Variants in CAMK1D observed in about 807,000 individuals in gnomAD.
CAMK1D encodes calcium/calmodulin dependent protein kinase ID.
CAMK1D carries 9 observed loss-of-function variants against 47.7 expected under a neutral mutation model. The observed-to-expected ratio is 0.19, with a 90% CI of 0.11 to 0.33. The LOEUF (loss-of-function observed/expected upper bound fraction) is 0.33. Ranked by LOEUF, CAMK1D falls within the 10% of genes least tolerant of loss-of-function variation. The probability of loss-of-function intolerance (pLI) is 1.00; values close to 1 mark genes in which losing one functional copy is unlikely to be tolerated. For missense variants in CAMK1D, 291 were observed against 488.7 expected (o/e 0.60, Z 3.81); for synonymous variants, 184 against 184.9 (o/e 0.99, Z 0.04).
intron 1 of CAMK1D, among the ~76,000 whole-genome samples, chr10:12,376,193 A>G (rs1838176537): frequency 6.6e-6 from 1 of 150,940 alleles, no homozygotes; most frequent in South Asian, 2.1e-4. Flanking sequence ...AAAAAGAATA[A>G]AAAGAATAAG....
At chr10:12,696,900 C>G (rs1208653926) in intron 3 of CAMK1D, among the ~76,000 whole-genome samples, 2 of 152,194 alleles carry the variant, frequency 1.3e-5, no homozygotes, top group Non-Finnish European at 2.9e-5. Context: ...TCTTTGCAGT[C>G]TTCTTTAATA....
chr10:12,422,992 G>A (rs931609408), intron 1 of CAMK1D, among the ~76,000 whole-genome samples: 6 of 152,186 alleles, frequency 3.9e-5, no homozygotes, highest in African/African-American at 1.4e-4. Context: ...GGTTTTGCTT[G>A]TAATAATTTA....
At chr10:12,785,836 G>A (rs1837701690) in intron 5 of CAMK1D, among the ~76,000 whole-genome samples, 2 of 152,226 alleles carry the variant, frequency 1.3e-5, no homozygotes. Context: ...CAAGAAAATG[G>A]ATGGGTTGGG....
intron 8 of CAMK1D, among the ~76,000 whole-genome samples, chr10:12,820,307 C>T (rs1355155003): frequency 1.3e-5 from 2 of 152,196 alleles, no homozygotes; most frequent in Non-Finnish European, 2.9e-5. Flanking sequence ...CAGGCGTGAG[C>T]CACCATGCCC....
intron 1 of CAMK1D, among the ~76,000 whole-genome samples, chr10:12,444,207 T>C (rs371726541): frequency 9.2e-5 from 14 of 152,216 alleles, no homozygotes; most frequent in African/African-American, 2.9e-4. Flanking sequence ...TCTCCTATCT[T>C]ATTCTGTGAC....
In CAMK1D at chr10:12,357,566, T is replaced by C. The variant is rs538648557; in HGVS notation, c.92+7656T>C. Among the ~76,000 whole-genome samples, 5 of 152,316 alleles carry C rather than the reference T, an allele frequency of 3.3e-5. No individual in the cohort carries two copies. In the East Asian group the frequency reaches 9.6e-4, roughly 29 times the overall value. Reference sequence around the variant, plus strand: ...TCTGACGCCAAGTGATCTGCTCACCTCAGCCTCACAAAGTGGTGGGATTAC... The same window carrying C: ...TCTGACGCCAAGTGATCTGCTCACCCCAGCCTCACAAAGTGGTGGGATTAC... On this transcript the variant is annotated intron_variant, in intron 1 of 10. Coordinates refer to ENST00000619168, the MANE Select transcript of CAMK1D (RefSeq NM_153498.4).
At chr10:12,403,109 A>G (rs904060395) in intron 1 of CAMK1D, among the ~76,000 whole-genome samples, 3 of 152,192 alleles carry the variant, frequency 2.0e-5, no homozygotes, top group Admixed American at 6.5e-5. Flanking sequence ...CAGAAAAGGA[A>G]CAAGCAGCAA....
At chr10:12,509,202 C>T (rs1234003425) in intron 1 of CAMK1D, among the ~76,000 whole-genome samples, 1 of 152,238 alleles carries the variant, frequency 6.6e-6, no homozygotes, top group East Asian at 1.9e-4. Context: ...CAGGCAGAGG[C>T]TGTCACCTGG....
At chr10:12,820,046 G>A (rs985702518) in intron 8 of CAMK1D, among the ~76,000 whole-genome samples, 3 of 152,182 alleles carry the variant, frequency 2.0e-5, no homozygotes, top group East Asian at 1.9e-4. Context: ...CCTGGGCCAC[G>A]CTGCACCGGA....
intron 2 of CAMK1D, among the ~76,000 whole-genome samples, chr10:12,577,886 G>A (rs1488237748): frequency 3.9e-5 from 6 of 152,084 alleles, no homozygotes; most frequent in African/African-American, 1.2e-4. Context: ...AGTTATCTAC[G>A]TAAAAAATCA....
intron 6 of CAMK1D, among the ~76,000 whole-genome samples, chr10:12,805,093 T>C (rs1838666850): frequency 6.6e-6 from 1 of 151,750 alleles, no homozygotes; most frequent in Non-Finnish European, 1.5e-5. Context: ...ACCCCGTCTC[T>C]ACTAAAAATA....
chr10:12,781,736 C>G (rs1284585511), intron 5 of CAMK1D, among the ~76,000 whole-genome samples: 1 of 151,386 alleles, frequency 6.6e-6, no homozygotes, highest in African/African-American at 2.4e-5. Context: ...ACTGCAGCCT[C>G]TGCCTCCCAG....
intron 2 of CAMK1D, among the ~76,000 whole-genome samples, chr10:12,588,935 A>G (rs901533644): frequency 2.0e-5 from 3 of 151,812 alleles, no homozygotes; most frequent in Non-Finnish European, 2.9e-5. Flanking sequence ...ATATACATGT[A>G]TACAATACAC....
Position 12,676,678 on chromosome 10 carries a change from G to A in CAMK1D, c.299+9868G>A, listed in dbSNP as rs74898944. On this transcript the variant is annotated intron_variant, in intron 3 of 10. Transcript: ENST00000619168. ...TACCCAAATCAGTGAGCAACCCAGT[G>A]TATGCCCTTGACCAGCCTAATATGA... Among the ~76,000 whole-genome samples, 19 of 152,266 alleles carry A rather than the reference G, an allele frequency of 1.2e-4. 1 individual carries two copies. In the East Asian group the frequency reaches 3.5e-3, roughly 28 times the overall value.
intron 2 of CAMK1D, among the ~76,000 whole-genome samples, chr10:12,579,842 G>C (rs894319983): frequency 1.3e-5 from 2 of 152,096 alleles, no homozygotes; most frequent in African/African-American, 2.4e-5. Context: ...CTCTTCTCTG[G>C]ATCTGTCTCC....
intron 8 of CAMK1D, among the ~76,000 whole-genome samples, chr10:12,817,352 T>A (rs1451436757): frequency 6.6e-6 from 1 of 152,238 alleles, no homozygotes; most frequent in Non-Finnish European, 1.5e-5. Flanking sequence ...TAAATGAAGT[T>A]ACATATTTTT....
chr10:12,830,965 A>ACACACACACACACACACACACACAC lies in CAMK1D; in HGVS notation c.*2078_*2079insCACACACACACACACACACACACAC, dbSNP rs6143785. The stretch of plus-strand genomic sequence containing the variant: ...CACACACACACACACACACACACAC[A>ACACACACACACACACACACACACAC]ATGTTATTAGGCACAGCAGCTCCAT... On this transcript the variant is annotated 3_prime_UTR_variant, in exon 11 of 11. Coordinates refer to ENST00000619168, the MANE Select transcript of CAMK1D (RefSeq NM_153498.4). 3 of 117,632 alleles carry ACACACACACACACACACACACACAC rather than the reference A, an allele frequency of 2.6e-5. No homozygotes were observed. Among genetic ancestry groups the ACACACACACACACACACACACACAC allele is most frequent in the African/African-American group, 1.0e-4 (3 of 29,288 alleles). 7.3% of individuals were successfully genotyped at this position (117,632 alleles called of 1,614,324 possible).
At chr10:12,461,834 C>T (rs964323905) in intron 1 of CAMK1D, among the ~76,000 whole-genome samples, 1 of 152,004 alleles carries the variant, frequency 6.6e-6, no homozygotes, top group African/African-American at 2.4e-5. Context: ...TGAGTGGAGA[C>T]CGTATTGTTT....
At chr10:12,755,346 C>T (rs1836181096) in intron 3 of CAMK1D, among the ~76,000 whole-genome samples, 1 of 152,100 alleles carries the variant, frequency 6.6e-6, no homozygotes, top group Admixed American at 6.5e-5. Context: ...AGGGGAATCT[C>T]AGGTTCAGCC....
Sources: allele counts gnomAD v4.1 joint callset (sites outside exome capture counted in the v4.1 genomes callset), GRCh38; gene constraint gnomAD v4.1.1; transcripts MANE v1.5; gene names NCBI Gene and HGNC (gene_info 2026-07-23, HGNC 2026-07-21).